The following PPFIA2 variants were observed in gnomAD, a reference collection of about 807,000 sequenced individuals.
The protein encoded by PPFIA2 is PPFI scaffold protein A2, also known as liprin-alpha-2.
In PPFIA2, 46 loss-of-function variants were observed where a neutral mutation model predicts 175.5. The observed-to-expected ratio is 0.26, with a 90% CI of 0.21 to 0.34. The LOEUF (loss-of-function observed/expected upper bound fraction) is 0.34. Ranked by LOEUF, PPFIA2 falls within the 10% of genes least tolerant of loss-of-function variation. The pLI is 1.00. For missense variants in PPFIA2, 1,179 were observed against 1,506.1 expected (o/e 0.78, Z 3.60); for synonymous variants, 568 against 511.4 (o/e 1.11, Z -1.49).
At chr12:81,410,324 C>T (rs190288997) in intron 7 of PPFIA2, among the ~76,000 whole-genome samples, 1 of 152,258 alleles carries the variant, frequency 6.6e-6, no homozygotes, top group Non-Finnish European at 1.5e-5. Context: ...GCTCAAATGG[C>T]TCCCCTTTTA....
chr12:81,541,613 G>T (rs946800016), intron 4 of PPFIA2, among the ~76,000 whole-genome samples: 2 of 151,978 alleles, frequency 1.3e-5, no homozygotes, highest in Non-Finnish European at 2.9e-5. Context: ...AATTGTTACT[G>T]CTCAACAAAT....
intron 4 of PPFIA2, among the ~76,000 whole-genome samples, chr12:81,658,081 C>G (rs530783418): frequency 6.6e-6 from 1 of 151,906 alleles, no homozygotes; most frequent in East Asian, 1.9e-4. Context: ...CCAGCCTGAC[C>G]AACAAGGAGA....
At chr12:81,512,499 T>C (rs1291039901) in intron 4 of PPFIA2, 3 of 323,002 alleles carry the variant, frequency 9.3e-6, no homozygotes, top group Non-Finnish European at 1.5e-5. Flanking sequence ...AAAAATAATT[T>C]TAGCTTTTCT....
chr12:81,661,517 C>T (rs930858059), intron 4 of PPFIA2, among the ~76,000 whole-genome samples: 10 of 152,140 alleles, frequency 6.6e-5, no homozygotes, highest in East Asian at 1.9e-4. Flanking sequence ...GATATATATG[C>T]GCCCAATACA....
chr12:81,652,568 T>C (rs1033156056), intron 4 of PPFIA2, among the ~76,000 whole-genome samples: 15 of 152,200 alleles, frequency 9.9e-5, no homozygotes, highest in Admixed American at 7.8e-4. Context: ...TGTGGGGCAA[T>C]AGAATGTGGT....
At chr12:81,407,959 G>A (rs2043227000) in intron 7 of PPFIA2, among the ~76,000 whole-genome samples, 1 of 152,130 alleles carries the variant, frequency 6.6e-6, no homozygotes, top group African/African-American at 2.4e-5. Flanking sequence ...TCAAAAGAAT[G>A]CTTCATTGAA....
intron 3 of PPFIA2, among the ~76,000 whole-genome samples, chr12:81,751,867 T>A (rs1292739606): frequency 1.3e-5 from 2 of 152,200 alleles, no homozygotes; most frequent in Non-Finnish European, 2.9e-5. Context: ...TCCTGAAGTA[T>A]CTTGTTCTAG....
chr12:81,381,728 T>A (rs942644463), intron 9 of PPFIA2, among the ~76,000 whole-genome samples: 1 of 152,192 alleles, frequency 6.6e-6, no homozygotes, highest in African/African-American at 2.4e-5. Flanking sequence ...TATTAATTCA[T>A]AAAAAGTTGT....
intron 4 of PPFIA2, among the ~76,000 whole-genome samples, chr12:81,599,953 T>C (rs2059627199): frequency 1.3e-5 from 2 of 151,944 alleles, no homozygotes; most frequent in South Asian, 4.1e-4. Flanking sequence ...CTCAATCACA[T>C]CATATTAGTG....
intron 28 of PPFIA2, among the ~76,000 whole-genome samples, chr12:81,268,565 ATAAT>A (rs923393962): frequency 3.3e-5 from 5 of 152,178 alleles, no homozygotes; most frequent in Non-Finnish European, 2.9e-5. Context: ...TACTGTTTTA[ATAAT>A]TAATCTTTTC....
At chr12:81,606,822 T>C (rs991123523) in intron 4 of PPFIA2, among the ~76,000 whole-genome samples, 8 of 152,160 alleles carry the variant, frequency 5.3e-5, no homozygotes, top group African/African-American at 1.9e-4. Flanking sequence ...TTTAATTAGG[T>C]ACCATTTGTC....
intron 7 of PPFIA2, among the ~76,000 whole-genome samples, chr12:81,428,441 T>C: frequency 6.6e-6 from 1 of 152,036 alleles, no homozygotes; most frequent in East Asian, 1.9e-4. Context: ...TGTTGGATTT[T>C]AACAGGTATT....
At chr12:81,551,965 C>T (rs183131470) in intron 4 of PPFIA2, among the ~76,000 whole-genome samples, 5 of 151,512 alleles carry the variant, frequency 3.3e-5, no homozygotes, top group Admixed American at 2.6e-4. Flanking sequence ...TATACTGAGG[C>T]CTAGATGAAT....
At chr12:81,665,898 G>T (rs906224229) in intron 4 of PPFIA2, among the ~76,000 whole-genome samples, 17 of 151,908 alleles carry the variant, frequency 1.1e-4, no homozygotes, top group Admixed American at 3.3e-4. Context: ...AATCTACAAA[G>T]AACTCAAACA....
intron 4 of PPFIA2, among the ~76,000 whole-genome samples, chr12:81,500,447 C>T (rs993075017): frequency 1.3e-5 from 2 of 152,132 alleles, no homozygotes; most frequent in African/African-American, 2.4e-5. Context: ...GTACCTTTTA[C>T]CTAAAATTCT....
At chr12:81,685,359 A>C (rs1284609444) in intron 3 of PPFIA2, among the ~76,000 whole-genome samples, 1 of 152,114 alleles carries the variant, frequency 6.6e-6, no homozygotes, top group African/African-American at 2.4e-5. Flanking sequence ...GGAAACATAC[A>C]GACCAATTTT....
chr12:81,313,903 G>A (rs2051625902), intron 22 of PPFIA2, among the ~76,000 whole-genome samples: 1 of 151,592 alleles, frequency 6.6e-6, no homozygotes, highest in South Asian at 2.1e-4. Context: ...AACTTACACA[G>A]TATAAATACC....
chr12:81,630,571 A>G lies in PPFIA2; in HGVS notation c.303+46220T>C, dbSNP rs539602790. 4.6e-5 allele frequency among the ~76,000 whole-genome samples: 7 copies of G among 152,186 alleles called. No individual in the cohort carries two copies. The South Asian group carries it at 1.5e-3, about 32-fold the overall frequency. On this transcript the variant is annotated intron_variant, in intron 4 of 32. Transcript: ENST00000549396. ...CTTTCTTATTATCATTATTCTTTGG[A>G]CTCTGATATAATCAGCTTTTGGAAG...
intron 30 of PPFIA2, among the ~76,000 whole-genome samples, chr12:81,266,357 G>T (rs894068324): frequency 6.6e-6 from 1 of 152,006 alleles, no homozygotes; most frequent in Non-Finnish European, 1.5e-5. Flanking sequence ...CATTCATCTC[G>T]GGAGGCTACT....
Sources: gnomAD v4.1 joint callset for allele counts (sites outside exome capture counted in the v4.1 genomes callset) on GRCh38, gnomAD v4.1.1 for gene constraint, MANE v1.5 for transcripts, NCBI Gene and HGNC (gene_info 2026-07-23, HGNC 2026-07-21) for gene names.